The following MBNL1 variants were observed in gnomAD, a reference collection of about 807,000 sequenced individuals.
MBNL1 encodes the protein muscleblind like splicing regulator 1.
A neutral mutation model predicts 42.2 loss-of-function variants in MBNL1; 8 were observed. The observed-to-expected ratio is 0.19, with a 90% CI of 0.11 to 0.34. MBNL1 has a LOEUF of 0.34. Ranked by LOEUF, MBNL1 falls within the 10% of genes least tolerant of loss-of-function variation. MBNL1 has a pLI of 1.00. For missense variants in MBNL1, 309 were observed against 495.3 expected, an observed-to-expected ratio of 0.62 and a Z score of 3.57; for synonymous variants, 169 against 173.9, an observed-to-expected ratio of 0.97 and a Z score of 0.22.
At chr3:152,399,167 T>TC (rs1323198319) in intron 2 of MBNL1, among the ~76,000 whole-genome samples, 6 of 152,058 alleles carry the variant, frequency 3.9e-5, no homozygotes, top group African/African-American at 1.4e-4. Flanking sequence ...ACATGAGAGG[T>TC]CTCACCATAC....
rs1182975696 is a variant in MBNL1 at position 152,432,810 on chromosome 3, G to A, written c.439G>A (p.Ala147Thr). ...ACCTGTTTCTCCAAGCCTGGTCCCG[G>A]CAGAGATCTTGCCGACTGCACCAAT... Reference protein sequence around the residue: ...LGPVSPSLVPAEILPTAPMLV... With the variant: ...LGPVSPSLVPTEILPTAPMLV... The change falls in exon 4 of 10, where the codon GCA becomes ACA. Residue 147 changes from alanine (A) to threonine (T), a missense_variant. By Grantham distance (58) the Ala-to-Thr change is moderately conservative. Coordinates refer to ENST00000324210, the MANE Select transcript of MBNL1 (RefSeq NM_021038.5). The A allele has an allele frequency of 2.5e-6, 4 of 1,614,060 alleles. No individual in the cohort carries two copies. The highest frequency in any genetic ancestry group is 3.4e-6 in the Non-Finnish European group (4 of 1,180,030).
intron 2 of MBNL1, among the ~76,000 whole-genome samples, chr3:152,316,430 G>A (rs765384990): frequency 4.6e-5 from 7 of 152,158 alleles, no homozygotes; most frequent in Admixed American, 1.3e-4. Context: ...TTCCATGTGA[G>A]TCAACAGCTT....
At chr3:152,435,776 T>C (rs1032679848) in intron 4 of MBNL1, among the ~76,000 whole-genome samples, 8 of 152,180 alleles carry the variant, frequency 5.3e-5, no homozygotes, top group Non-Finnish European at 7.3e-5. Context: ...TTAACTGTTA[T>C]TCCTAAGTAT....
intron 2 of MBNL1, among the ~76,000 whole-genome samples, chr3:152,348,301 G>T (rs995313703): frequency 3.3e-5 from 5 of 152,118 alleles, no homozygotes. Context: ...ATAAGCCAAT[G>T]TGTATTTACT....
At chr3:152,338,947 A>G (rs1414296305) in intron 2 of MBNL1, among the ~76,000 whole-genome samples, 1 of 152,182 alleles carries the variant, frequency 6.6e-6, no homozygotes, top group South Asian at 2.1e-4. Context: ...ACTTTTTCAC[A>G]ATCTGCATTG....
At chr3:152,297,451 T>C (rs2059114882) in intron 1 of MBNL1, among the ~76,000 whole-genome samples, 1 of 150,964 alleles carries the variant, frequency 6.6e-6, no homozygotes, top group East Asian at 1.9e-4. Flanking sequence ...TCTAAGTGAT[T>C]CCAGGAGAAT....
At chr3:152,277,519 A>G (rs1014616039) in intron 1 of MBNL1, among the ~76,000 whole-genome samples, 8 of 152,122 alleles carry the variant, frequency 5.3e-5, no homozygotes, top group African/African-American at 1.4e-4. Flanking sequence ...TTTTTCCTGG[A>G]ACTAAAAATC....
chr3:152,281,744 A>G (rs190225440), intron 1 of MBNL1, among the ~76,000 whole-genome samples: 136 of 152,274 alleles, frequency 8.9e-4, no homozygotes, highest in African/African-American at 2.9e-3. Flanking sequence ...AAGAGTTTCA[A>G]ATGCTCTTGT....
In MBNL1 at chr3:152,462,587, G is replaced by A. The variant is rs1408954330; in HGVS notation, c.*221G>A. On this transcript the variant is annotated 3_prime_UTR_variant, in exon 10 of 10. Transcript: ENST00000324210. ...GCCTATACACTTTGTACATTTAATT[G>A]ATATTTGTGCTGAGGTGATATTCCT... 2.0e-5 allele frequency: 3 copies of A among 152,096 alleles called. No individual in the cohort carries two copies. The highest frequency in any genetic ancestry group is 4.4e-5 in the Non-Finnish European group (3 of 68,000). 9.4% of individuals were successfully genotyped at this position (152,096 alleles called of 1,614,324 possible). A position where few individuals can be genotyped will look rare whatever the true frequency, so the allele number is the denominator to read the frequency against.
At chr3:152,372,099 T>C (rs543027732) in intron 2 of MBNL1, among the ~76,000 whole-genome samples, 26 of 152,378 alleles carry the variant, frequency 1.7e-4, no homozygotes, top group Admixed American at 8.5e-4. Context: ...ATTTGGCTAT[T>C]GATACTTGTG....
intron 2 of MBNL1, among the ~76,000 whole-genome samples, chr3:152,409,369 A>C (rs1040068791): frequency 4.6e-5 from 7 of 152,184 alleles, no homozygotes; most frequent in African/African-American, 1.4e-4. Context: ...GCAGAGCCAT[A>C]AAAAACATTT....
chr3:152,413,283 A>G (rs549134117), intron 2 of MBNL1, among the ~76,000 whole-genome samples: 13 of 152,246 alleles, frequency 8.5e-5, no homozygotes, highest in South Asian at 2.1e-4. Flanking sequence ...CTTCATACCA[A>G]TGTTTTGTTT....
chr3:152,387,103 G>GA (rs992002353), intron 2 of MBNL1, among the ~76,000 whole-genome samples: 6 of 152,076 alleles, frequency 3.9e-5, no homozygotes, highest in African/African-American at 1.4e-4. Context: ...GGAAAACTAT[G>GA]AATCTCTCAG....
chr3:152,456,445 T>A, intron 8 of MBNL1, 84 bp downstream of exon 8: 1 of 1,105,248 alleles, frequency 9.0e-7, no homozygotes, highest in Non-Finnish European at 1.4e-6. Context: ...GGATTTCCCA[T>A]TGAGGTCAGT....
At chr3:152,434,332 G>A (rs1265238490) in intron 4 of MBNL1, among the ~76,000 whole-genome samples, 2 of 152,214 alleles carry the variant, frequency 1.3e-5, no homozygotes, top group African/African-American at 4.8e-5. Context: ...GTATTAGTTT[G>A]CTTAGGATAA....
At chr3:152,407,983 C>T (rs1375881172) in intron 2 of MBNL1, among the ~76,000 whole-genome samples, 5 of 151,650 alleles carry the variant, frequency 3.3e-5, no homozygotes, top group South Asian at 2.1e-4. Context: ...TTGGGGAGGG[C>T]GAGGCAAGAG....
At chr3:152,421,120 G>A (rs760320132) in intron 3 of MBNL1, among the ~76,000 whole-genome samples, 1 of 152,222 alleles carries the variant, frequency 6.6e-6, no homozygotes, top group Non-Finnish European at 1.5e-5. Context: ...GGGACTGTGT[G>A]TAAAGACCAA....
chr3:152,464,969 AC>A lies in MBNL1; in HGVS notation c.*2607del, dbSNP rs1749704892. 6.6e-6 allele frequency: 1 copy of A among 152,544 alleles called. No homozygotes were observed. The highest frequency in any genetic ancestry group is 2.4e-5 in the African/African-American group (1 of 41,420). The allele number at this position is 152,544 out of a possible 1,614,324, so 9.4% of individuals were successfully genotyped here. On this transcript the variant is annotated 3_prime_UTR_variant, in exon 10 of 10. Transcript: ENST00000324210. ...AAGTGGCACAGAGTTAGCACTCCAT[AC>A]CCCTTCAAACATGTTGCTTTGCTTT...
chr3:152,447,600 T>C lies in MBNL1; in HGVS notation c.808-20T>C. On this transcript the variant is annotated intron_variant, in intron 5 of 9. Transcript: ENST00000324210. ...TCTCTTTTTACTGGTATTTGTTTTT[T>C]ATACTCATTCACTAAACAGGGAATT... is the stretch of plus-strand genomic sequence containing the variant. 6.2e-7 allele frequency: 1 copy of C among 1,601,820 alleles called. No homozygotes were observed. Among genetic ancestry groups the C allele is most frequent in the South Asian group, 1.1e-5 (1 of 89,974 alleles).
Sources: gnomAD v4.1 joint callset for allele counts (sites outside exome capture counted in the v4.1 genomes callset) on GRCh38, gnomAD v4.1.1 for gene constraint, MANE v1.5 for transcripts, NCBI Gene and HGNC (gene_info 2026-07-23, HGNC 2026-07-21) for gene names.